The following ITPR2 variants were observed in gnomAD, a reference collection of about 807,000 sequenced individuals.
ITPR2 encodes the protein inositol 1,4,5-trisphosphate-gated calcium channel ITPR2.
Under a neutral mutation model 317.1 loss-of-function variants are expected in ITPR2, and 207 were observed. That is an observed-to-expected ratio of 0.65 (90% CI 0.58 to 0.73). The LOEUF (loss-of-function observed/expected upper bound fraction) is 0.73. ITPR2 is among the 30% of genes least tolerant of loss of function. The pLI, the probability that ITPR2 is intolerant of heterozygous loss-of-function variation, is 0.00. For synonymous variants in ITPR2, 1,156 were observed against 1,149.1 expected, an observed-to-expected ratio of 1.01 and a Z score of -0.12; for missense variants, 2,613 against 3,284.0, an observed-to-expected ratio of 0.80 and a Z score of 4.99.
intron 29 of ITPR2, 47 bp downstream of exon 29, chr12:26,599,940 T>C (rs1245967368): frequency 6.9e-7 from 1 of 1,456,776 alleles, no homozygotes; most frequent in East Asian, 2.3e-5. Flanking sequence ...TGAGACAAAT[T>C]TGATGCACAC....
At chr12:26,724,809 A>C (rs1290992254) in intron 3 of ITPR2, 67 bp from the exon 4 acceptor site, 1 of 1,115,590 alleles carries the variant, frequency 9.0e-7, no homozygotes, top group Non-Finnish European at 1.3e-6. Context: ...CTGACAAAGA[A>C]ATTTTTTTTA....
chr12:26,468,319 T>A (rs1231251109), intron 45 of ITPR2, among the ~76,000 whole-genome samples: 2 of 152,116 alleles, frequency 1.3e-5, no homozygotes, highest in Non-Finnish European at 2.9e-5. Flanking sequence ...TAGGGCCTGT[T>A]GATACAGAGT....
intron 37 of ITPR2, among the ~76,000 whole-genome samples, chr12:26,507,855 C>CTGTG (rs766901558): frequency 1.4e-5 from 2 of 142,296 alleles, no homozygotes; most frequent in African/African-American, 5.5e-5. Context: ...ACTCTTCTCT[C>CTGTG]TCTGTCTCTG....
At chr12:26,768,428 AAAAAAATAAAAAAT>A (rs1198755668) in intron 2 of ITPR2, among the ~76,000 whole-genome samples, 9 of 63,042 alleles carry the variant, frequency 1.4e-4, no homozygotes, top group Non-Finnish European at 2.0e-4. Flanking sequence ...AAAAAATTAA[AAAAAAATAAAAAAT>A]AAAAAATAAA....
intron 34 of ITPR2, among the ~76,000 whole-genome samples, chr12:26,567,982 A>ATATATATATTATATATAT (rs1945034989): frequency 2.6e-4 from 3 of 11,486 alleles, no homozygotes; most frequent in African/African-American, 7.7e-4. Context: ...TATATATTAT[A>ATATATATATTATATATAT]TATATATATA....
At chr12:26,401,489 G>A (rs1241897124) in intron 52 of ITPR2, among the ~76,000 whole-genome samples, 1 of 152,148 alleles carries the variant, frequency 6.6e-6, no homozygotes, top group African/African-American at 2.4e-5. Context: ...TTGTTTAAAG[G>A]TATTGGGATC....
At chr12:26,632,433 A>G (rs186836588) in intron 21 of ITPR2, among the ~76,000 whole-genome samples, 1 of 152,334 alleles carries the variant, frequency 6.6e-6, no homozygotes, top group Admixed American at 6.5e-5. Context: ...AATCGCCAAG[A>G]TAAAGTGAGT....
chr12:26,628,518 A>G, intron 22 of ITPR2, among the ~76,000 whole-genome samples: 1 of 152,198 alleles, frequency 6.6e-6, no homozygotes, highest in East Asian at 1.9e-4. Flanking sequence ...AGACTGTTGG[A>G]GGTGTGACCC....
intron 55 of ITPR2, among the ~76,000 whole-genome samples, chr12:26,362,380 A>G (rs1004393258): frequency 6.6e-6 from 1 of 152,142 alleles, no homozygotes; most frequent in African/African-American, 2.4e-5. Flanking sequence ...ATTTTAGAAA[A>G]CATCTTTCCA....
intron 34 of ITPR2, among the ~76,000 whole-genome samples, chr12:26,573,190 T>A (rs1209827632): frequency 6.6e-6 from 1 of 152,022 alleles, no homozygotes; most frequent in Admixed American, 6.6e-5. Context: ...GCCCAGCTAA[T>A]TTTGTTTTTG....
intron 45 of ITPR2, among the ~76,000 whole-genome samples, chr12:26,447,956 A>G (rs998554563): frequency 5.3e-5 from 8 of 149,704 alleles, no homozygotes; most frequent in South Asian, 2.1e-4. Context: ...ACATTTATCT[A>G]CTCCACAGTT....
intron 21 of ITPR2, chr12:26,649,301 A>C (rs1947189369): frequency 6.6e-6 from 1 of 152,180 alleles, no homozygotes. Flanking sequence ...TCAATTCTTC[A>C]GCATGTATTT....
chr12:26,468,998 A>G (rs1942239033), intron 45 of ITPR2, among the ~76,000 whole-genome samples: 2 of 152,102 alleles, frequency 1.3e-5, no homozygotes, highest in Non-Finnish European at 2.9e-5. Flanking sequence ...GCTTGCCTGG[A>G]CTGTCTTCCT....
At chr12:26,767,724 T>C (rs990796169) in intron 2 of ITPR2, among the ~76,000 whole-genome samples, 1 of 152,234 alleles carries the variant, frequency 6.6e-6, no homozygotes, top group Non-Finnish European at 1.5e-5. Flanking sequence ...TCATTAAATA[T>C]TACCTGAAAA....
intron 13 of ITPR2, among the ~76,000 whole-genome samples, chr12:26,673,453 A>G (rs1013228074): frequency 1.3e-5 from 2 of 152,192 alleles, no homozygotes; most frequent in Non-Finnish European, 2.9e-5. Context: ...CCACATGACT[A>G]TCTCAATAGA....
At chr12:26,766,937 G>A (rs1161699959) in intron 2 of ITPR2, among the ~76,000 whole-genome samples, 5 of 152,150 alleles carry the variant, frequency 3.3e-5, no homozygotes, top group Non-Finnish European at 7.3e-5. Context: ...CTAGTACGAT[G>A]TATATATGCA....
At chr12:26,363,904 T>C (rs1196766754) in intron 55 of ITPR2, among the ~76,000 whole-genome samples, 1 of 152,162 alleles carries the variant, frequency 6.6e-6, no homozygotes, top group Non-Finnish European at 1.5e-5. Flanking sequence ...AAATGTCTTC[T>C]AAAACAAAGA....
At chr12:26,643,285 T>G (rs1373146282) in intron 21 of ITPR2, among the ~76,000 whole-genome samples, 1 of 152,194 alleles carries the variant, frequency 6.6e-6, no homozygotes. Flanking sequence ...GTTATAGCAG[T>G]CCAAATAGTC....
At chr12:26,390,835 G>C (rs1219909922) in intron 54 of ITPR2, among the ~76,000 whole-genome samples, 1 of 137,184 alleles carries the variant, frequency 7.3e-6, no homozygotes, top group Non-Finnish European at 1.7e-5. Flanking sequence ...AAACAAAAGA[G>C]AGAAAATGTT....
Sources: gnomAD v4.1 joint callset for allele counts (sites outside exome capture counted in the v4.1 genomes callset) on GRCh38, gnomAD v4.1.1 for gene constraint, MANE v1.5 for transcripts, NCBI Gene and HGNC (gene_info 2026-07-23, HGNC 2026-07-21) for gene names.